The following CDYL2 variants were observed in gnomAD, a reference collection of about 807,000 sequenced individuals.
CDYL2 encodes the protein chromodomain Y like 2, also known as chromodomain Y-like protein 2.
In CDYL2, 23 loss-of-function variants were observed where a neutral mutation model predicts 49.4. The observed-to-expected ratio is 0.47, with a 90% CI of 0.34 to 0.66. The LOEUF (loss-of-function observed/expected upper bound fraction) is 0.66. Ranked by LOEUF, CDYL2 falls within the 30% of genes least tolerant of loss-of-function variation. The pLI is 0.01. For missense variants in CDYL2, 678 were observed against 656.4 expected, an observed-to-expected ratio of 1.03 and a Z score of -0.36; for synonymous variants, 360 against 268.8, an observed-to-expected ratio of 1.34 and a Z score of -3.32.
intron 1 of CDYL2, among the ~76,000 whole-genome samples, chr16:80,726,046 G>C (rs1481042089): frequency 6.6e-6 from 1 of 152,194 alleles, no homozygotes; most frequent in Non-Finnish European, 1.5e-5. Flanking sequence ...CAAAAAGACA[G>C]TGACATCTAT....
chr16:80,687,855 T>C (rs1475452886), intron 1 of CDYL2, among the ~76,000 whole-genome samples: 5 of 152,214 alleles, frequency 3.3e-5, no homozygotes, highest in Non-Finnish European at 7.3e-5. Context: ...TACACAACTA[T>C]GTACGTTTGC....
Position 80,626,034 on chromosome 16 carries a change from A to G in CDYL2, c.835-5099T>C, listed in dbSNP as rs79223849. Among the ~76,000 whole-genome samples, 942 of 152,238 alleles carry G rather than the reference A, an allele frequency of 6.2e-3. 7 individuals carry two copies. Among genetic ancestry groups the G allele is most frequent in the Middle Eastern group, 0.01 (3 of 294 alleles). ...AAAGAAATTGGTGGATCACACCTGT[A>G]ATTCTGGCACTTTGGAAGGCTGAGG... is the stretch of plus-strand genomic sequence containing the variant. On this transcript the variant is annotated intron_variant, in intron 3 of 6. Coordinates refer to ENST00000570137, the MANE Select transcript of CDYL2 (RefSeq NM_152342.4).
At position 80,654,363 on chromosome 16, in the gene CDYL2, T is replaced by C. The variant is rs938788401; in HGVS notation, c.617-21127A>G. ...ATATGAGGATCAAGTAAGATAACATTTAAAGAAGCAGCACACAGTAAACCA... is the reference window on the plus strand; with the variant it reads ...ATATGAGGATCAAGTAAGATAACATCTAAAGAAGCAGCACACAGTAAACCA... On this transcript the variant is annotated intron_variant, in intron 2 of 6. Transcript: ENST00000570137. 3.3e-5 allele frequency among the ~76,000 whole-genome samples: 5 copies of C among 152,176 alleles called. 1 individual carries two copies. Among genetic ancestry groups the C allele is most frequent in the Admixed American group, 3.3e-4 (5 of 15,286 alleles).
intron 1 of CDYL2, among the ~76,000 whole-genome samples, chr16:80,784,801 G>T (rs1907380988): frequency 6.6e-6 from 1 of 152,136 alleles, no homozygotes; most frequent in African/African-American, 2.4e-5. Context: ...GTGCTGGAGA[G>T]AAGCTGGGCT....
At chr16:80,641,772 A>G (rs1368167818) in intron 2 of CDYL2, among the ~76,000 whole-genome samples, 3 of 150,054 alleles carry the variant, frequency 2.0e-5, no homozygotes, top group Middle Eastern at 3.4e-3. Context: ...GGGGAGGGAT[A>G]GCATTAGGAG....
At chr16:80,759,114 A>AGG (rs1567597451) in intron 1 of CDYL2, among the ~76,000 whole-genome samples, 1 of 118,686 alleles carries the variant, frequency 8.4e-6, no homozygotes, top group East Asian at 2.6e-4. Flanking sequence ...ATATATATAT[A>AGG]TATATATATA....
intron 3 of CDYL2, among the ~76,000 whole-genome samples, chr16:80,629,722 A>G (rs1193745692): frequency 1.3e-5 from 2 of 152,228 alleles, no homozygotes; most frequent in African/African-American, 2.4e-5. Flanking sequence ...ATTTCTGCCC[A>G]TGAGGCCAAT....
chr16:80,732,275 T>C (rs1007179269), intron 1 of CDYL2, among the ~76,000 whole-genome samples: 5 of 151,686 alleles, frequency 3.3e-5, no homozygotes, highest in Admixed American at 3.3e-4. Flanking sequence ...GTATCATAGT[T>C]TAATGGGCTG....
intron 2 of CDYL2, among the ~76,000 whole-genome samples, chr16:80,661,036 C>T (rs1909022188): frequency 6.6e-6 from 1 of 152,090 alleles, no homozygotes; most frequent in African/African-American, 2.4e-5. Context: ...AAGGACAGAC[C>T]GTAGGGCACT....
chr16:80,661,863 A>T (rs1023697856), intron 2 of CDYL2, among the ~76,000 whole-genome samples: 25 of 152,306 alleles, frequency 1.6e-4, no homozygotes, highest in African/African-American at 5.5e-4. Flanking sequence ...CCTGAGATGT[A>T]TTCACCTGTG....
At chr16:80,762,457 G>A (rs1432368077) in intron 1 of CDYL2, among the ~76,000 whole-genome samples, 3 of 152,138 alleles carry the variant, frequency 2.0e-5, no homozygotes, top group African/African-American at 7.2e-5. Context: ...GAACACGGTG[G>A]GCAACGCTAA....
At chr16:80,604,888 A>G (rs987132571) in intron 6 of CDYL2, among the ~76,000 whole-genome samples, 23 of 152,222 alleles carry the variant, frequency 1.5e-4, no homozygotes, top group African/African-American at 4.3e-4. Flanking sequence ...ACCTCCCGTG[A>G]TTCATTTTCA....
Position 80,620,922 on chromosome 16 carries a change from A to T in CDYL2, c.848T>A (p.Val283Asp). The change falls in exon 4 of 7, where the codon GTC (valine) becomes GAC (aspartate). Residue 283 changes from valine to aspartate, a missense_variant. Around this residue, in one of 3 missense-constraint regions of CDYL2, gnomAD observed 478 missense variants for 427.0 expected, o/e 1.12. Transcript: ENST00000570137. ...GGCTGCGTTGCAGAGCGCTCGCCGG[A>T]CTTCTTTCATGATCTGCCGGCAGAG... is the stretch of plus-strand genomic sequence containing the variant. Reference protein sequence around the residue: ...NALTPEIMKEVRRALCNAATD... With the variant: ...NALTPEIMKEDRRALCNAATD... 1 of 1,599,054 alleles carries T rather than the reference A, an allele frequency of 6.3e-7. No individual in the cohort carries two copies. The highest frequency in any genetic ancestry group is 8.5e-7 in the Non-Finnish European group (1 of 1,170,178).
chr16:80,773,627 G>T (rs1282266143), intron 1 of CDYL2, among the ~76,000 whole-genome samples: 1 of 152,012 alleles, frequency 6.6e-6, no homozygotes, highest in East Asian at 1.9e-4. Flanking sequence ...TGATAAAATT[G>T]AAAGTACAAT....
chr16:80,708,463 G>T (rs753564331), intron 1 of CDYL2, among the ~76,000 whole-genome samples: 2 of 152,140 alleles, frequency 1.3e-5, no homozygotes, highest in African/African-American at 2.4e-5. Context: ...GAAACGTGAG[G>T]CCATTAAACC....
In CDYL2 at chr16:80,634,785, C is replaced by G. The variant is rs1005624956; in HGVS notation, c.617-1549G>C. On this transcript the variant is annotated intron_variant, in intron 2 of 6. Transcript: ENST00000570137. ...CACAAGGAGAAATACATCATCTCAT[C>G]TGAATAGGGCTATAAAAAAAAGAAA... Among the ~76,000 whole-genome samples, 4 of 152,150 alleles carry G rather than the reference C, an allele frequency of 2.6e-5. No homozygotes were observed. The East Asian group carries it at 7.7e-4, about 29-fold the overall frequency.
chr16:80,606,803 A>G (rs1023914494), intron 6 of CDYL2, among the ~76,000 whole-genome samples: 2 of 152,290 alleles, frequency 1.3e-5, no homozygotes, highest in East Asian at 1.9e-4. Context: ...AGAAGTCTCA[A>G]GAGATCTGAT....
chr16:80,610,549 C>T lies in CDYL2; in HGVS notation c.1218+2077G>A, dbSNP rs1347506294. ...CTCAGAGAGAAAGGAGATTCTTGGG[C>T]AGAGGTAGGGTGTCCCTGGTGAAGA... On this transcript the variant is annotated intron_variant, in intron 5 of 6. Transcript: ENST00000570137. Among the ~76,000 whole-genome samples the T allele has an allele frequency of 2.6e-5, 4 of 151,790 alleles. No individual in the cohort carries two copies. The East Asian group carries it at 7.7e-4, about 29-fold the overall frequency.
chr16:80,684,576 C>T lies in CDYL2; in HGVS notation c.578G>A (p.Cys193Tyr), dbSNP rs986776587. The T allele has an allele frequency of 8.1e-6, 13 of 1,614,020 alleles. No individual in the cohort carries two copies. The Admixed American group carries it at 1.2e-4, about 14-fold the overall frequency. Residue 193 changes from cysteine (C) to tyrosine (Y), a missense_variant, in exon 2 of 7, where the codon TGT becomes TAT. Physicochemically the swap from Cys to Tyr is radical, Grantham distance 194. This residue lies in a region of CDYL2 where 478 missense variants were observed against 427.0 expected (regional missense o/e 1.12). Transcript: ENST00000570137. ...DHVGEQDMGECDVNHATLAEN... is the reference protein window; with the variant it reads ...DHVGEQDMGEYDVNHATLAEN... ...CGCCAGTGTAGCGTGATTCACGTCA[C>T]ATTCACCCATATCTTGCTCTCCAAC...
Sources: allele counts gnomAD v4.1 joint callset (sites outside exome capture counted in the v4.1 genomes callset), GRCh38; gene constraint gnomAD v4.1.1; regional missense constraint gnomAD v4.1.1; transcripts MANE v1.5; gene names NCBI Gene and HGNC (gene_info 2026-07-23, HGNC 2026-07-21).